The following AHCYL2 variants were observed in gnomAD, a reference collection of about 807,000 sequenced individuals.
The protein encoded by AHCYL2 is adenosylhomocysteinase like 2.
In AHCYL2, 28 loss-of-function variants were observed where a neutral mutation model predicts 81.4. That is an observed-to-expected ratio of 0.34 (90% CI 0.25 to 0.47). The LOEUF (loss-of-function observed/expected upper bound fraction) is 0.47, where lower values mean the gene tolerates loss of function less well. Ranked by LOEUF, AHCYL2 falls within the 20% of genes least tolerant of loss-of-function variation. The pLI is 1.00. For synonymous variants in AHCYL2, 272 were observed against 290.2 expected (o/e 0.94, Z 0.64); for missense variants, 551 against 785.1 (o/e 0.70, Z 3.56).
At chr7:129,320,202 T>C (rs1584779411) in intron 1 of AHCYL2, among the ~76,000 whole-genome samples, 2 of 152,336 alleles carry the variant, frequency 1.3e-5, no homozygotes, top group East Asian at 3.9e-4. Context: ...TTAATTGGGT[T>C]GTTTGTCTTT....
intron 1 of AHCYL2, among the ~76,000 whole-genome samples, chr7:129,334,127 C>T (rs911763704): frequency 2.8e-4 from 42 of 152,158 alleles, no homozygotes; most frequent in African/African-American, 1.0e-3. Context: ...TCATTTTAAG[C>T]TGTAATTTTA....
intron 1 of AHCYL2, among the ~76,000 whole-genome samples, chr7:129,289,113 A>G (rs918101534): frequency 6.6e-6 from 1 of 151,716 alleles, no homozygotes; most frequent in Non-Finnish European, 1.5e-5. Context: ...TTTTTGAGTC[A>G]GGGTCTTGCT....
chr7:129,405,601 G>T, intron 8 of AHCYL2: 1 of 443,060 alleles, frequency 2.3e-6, no homozygotes, highest in Non-Finnish European at 3.9e-6. Flanking sequence ...TTCCTGTCTG[G>T]TCATTAGTTT....
intron 2 of AHCYL2, among the ~76,000 whole-genome samples, chr7:129,384,961 AG>A (rs1362615966): frequency 6.6e-6 from 1 of 152,202 alleles, no homozygotes; most frequent in African/African-American, 2.4e-5. Flanking sequence ...TCTTCCCCTA[AG>A]GAAAAAAACC....
intron 13 of AHCYL2, among the ~76,000 whole-genome samples, chr7:129,423,190 T>C (rs952698122): frequency 6.6e-6 from 1 of 152,232 alleles, no homozygotes; most frequent in African/African-American, 2.4e-5. Flanking sequence ...AGATAATTAT[T>C]ACTATAGAAG....
At chr7:129,265,989 G>A (rs961606682) in intron 1 of AHCYL2, among the ~76,000 whole-genome samples, 5 of 152,188 alleles carry the variant, frequency 3.3e-5, no homozygotes, top group Admixed American at 2.0e-4. Flanking sequence ...TGACTTCAAA[G>A]TCTTTGTCCA....
chr7:129,253,040 C>T (rs552057224), intron 1 of AHCYL2, among the ~76,000 whole-genome samples: 107 of 152,110 alleles, frequency 7.0e-4, no homozygotes, highest in African/African-American at 2.4e-3. Context: ...AACCCTGTCT[C>T]TACTAAAAAT....
intron 1 of AHCYL2, among the ~76,000 whole-genome samples, chr7:129,241,872 G>C (rs1208761719): frequency 1.3e-5 from 2 of 151,296 alleles, no homozygotes; most frequent in Non-Finnish European, 2.9e-5. Context: ...AAAAAAGGGA[G>C]ACAGAAAAAA....
chr7:129,396,213 C>T (rs541664641), intron 4 of AHCYL2, among the ~76,000 whole-genome samples: 139 of 152,274 alleles, frequency 9.1e-4, no homozygotes, highest in African/African-American at 3.3e-3. Context: ...AGCTCTGCCT[C>T]CCAGGTTCAC....
chr7:129,290,107 A>T (rs1322610387), intron 1 of AHCYL2, among the ~76,000 whole-genome samples: 1 of 152,136 alleles, frequency 6.6e-6, no homozygotes, highest in Non-Finnish European at 1.5e-5. Flanking sequence ...ACTCAGCTTG[A>T]TGATGAGGAC....
intron 1 of AHCYL2, among the ~76,000 whole-genome samples, chr7:129,377,805 A>T (rs1451800309): frequency 6.6e-6 from 1 of 152,230 alleles, no homozygotes; most frequent in Non-Finnish European, 1.5e-5. Flanking sequence ...GTAGAGTATT[A>T]TAAAGTATCA....
At chr7:129,249,954 A>G (rs1378433530) in intron 1 of AHCYL2, among the ~76,000 whole-genome samples, 1 of 152,020 alleles carries the variant, frequency 6.6e-6, no homozygotes. Context: ...CTGTTGATGG[A>G]TATTATGGAT....
At chr7:129,388,259 G>A (rs563807263) in intron 2 of AHCYL2, 1 of 152,300 alleles carries the variant, frequency 6.6e-6, no homozygotes, top group South Asian at 2.1e-4. Context: ...AGTAACTACA[G>A]AATCCTATGA....
chr7:129,398,006 C>T (rs1795826855), intron 5 of AHCYL2, among the ~76,000 whole-genome samples: 1 of 152,134 alleles, frequency 6.6e-6, no homozygotes, highest in Non-Finnish European at 1.5e-5. Context: ...GCATTCATTT[C>T]TTTTCCTTTT....
At chr7:129,247,395 C>G (rs113521182) in intron 1 of AHCYL2, among the ~76,000 whole-genome samples, 2 of 152,052 alleles carry the variant, frequency 1.3e-5, no homozygotes, top group African/African-American at 2.4e-5. Flanking sequence ...CATCATTTTC[C>G]CATTTTTAAT....
intron 1 of AHCYL2, among the ~76,000 whole-genome samples, chr7:129,315,817 C>T (rs1273841560): frequency 6.6e-6 from 1 of 152,048 alleles, no homozygotes; most frequent in Admixed American, 6.6e-5. Flanking sequence ...AGGTGGGAAT[C>T]CAGTAGAGAG....
intron 1 of AHCYL2, among the ~76,000 whole-genome samples, chr7:129,241,166 A>G (rs1794839173): frequency 1.3e-5 from 2 of 152,186 alleles, no homozygotes; most frequent in Admixed American, 1.3e-4. Context: ...AAATACTTGA[A>G]AGTTTCTATC....
chr7:129,269,322 A>G (rs1246113889), intron 1 of AHCYL2, among the ~76,000 whole-genome samples: 3 of 150,184 alleles, frequency 2.0e-5, no homozygotes, highest in East Asian at 2.0e-4. Flanking sequence ...GTCTTGCTCT[A>G]TTGGCCAGGT....
chr7:129,373,460 C>T (rs1157575794), intron 1 of AHCYL2, among the ~76,000 whole-genome samples: 4 of 151,840 alleles, frequency 2.6e-5, no homozygotes, highest in Non-Finnish European at 5.9e-5. Flanking sequence ...ACTAGCCAGG[C>T]GTGGTGGCAT....
Sources: allele counts gnomAD v4.1 joint callset (sites outside exome capture counted in the v4.1 genomes callset), GRCh38; gene constraint gnomAD v4.1.1; transcripts MANE v1.5; gene names NCBI Gene and HGNC (gene_info 2026-07-23, HGNC 2026-07-21).